Variants in VRK1 observed in about 807,000 individuals in gnomAD.
VRK1 encodes VRK serine/threonine kinase 1.
A neutral mutation model predicts 57.1 loss-of-function variants in VRK1; 33 were observed. That is an observed-to-expected ratio of 0.58 (90% CI 0.44 to 0.77). The LOEUF is 0.77. Among genes scored for constraint, VRK1 ranks in the 30% least tolerant of loss-of-function variants. The probability of loss-of-function intolerance (pLI) is 0.00; values close to 1 mark genes in which losing one functional copy is unlikely to be tolerated. For missense variants in VRK1, 413 were observed against 477.3 expected, an observed-to-expected ratio of 0.87 and a Z score of 1.25; for synonymous variants, 137 against 147.8, an observed-to-expected ratio of 0.93 and a Z score of 0.53.
intron 11 of VRK1, among the ~76,000 whole-genome samples, chr14:96,867,221 A>G (rs868192293): frequency 4.7e-4 from 71 of 152,248 alleles, no homozygotes; most frequent in African/African-American, 1.5e-3. Context: ...CTTTTTTTAA[A>G]GAAAGCTTCT....
At chr14:96,868,431 A>G (rs1379460574) in intron 11 of VRK1, among the ~76,000 whole-genome samples, 1 of 152,220 alleles carries the variant, frequency 6.6e-6, no homozygotes, top group Admixed American at 6.5e-5. Flanking sequence ...GAACCACTGC[A>G]TATTAAAATT....
chr14:96,831,521 T>A (rs1887003653), intron 1 of VRK1, among the ~76,000 whole-genome samples: 1 of 152,242 alleles, frequency 6.6e-6, no homozygotes, highest in Non-Finnish European at 1.5e-5. Flanking sequence ...TTAGTTTCAA[T>A]TAGTTGGCCA....
intron 4 of VRK1, 82 bp from the exon 5 acceptor site, chr14:96,847,175 A>T: frequency 9.3e-7 from 1 of 1,075,830 alleles, no homozygotes; most frequent in Non-Finnish European, 1.4e-6. Context: ...ATGTATAAAT[A>T]CATTTTGCTC....
At position 96,861,432 on chromosome 14, in the gene VRK1, A is replaced by C. The variant is rs141419594; in HGVS notation, c.1068+697A>C. ...CTTATAATCTGAAATTATTTAATAC[A>C]ATGTGTTAGCTATTTTTATATGAGG... On this transcript the variant is annotated intron_variant, in intron 11 of 12. Coordinates refer to ENST00000216639, the MANE Select transcript of VRK1 (RefSeq NM_003384.3). Among the ~76,000 whole-genome samples, 1,094 of 152,266 alleles carry C rather than the reference A, an allele frequency of 7.2e-3. 3 individuals are homozygous for C. The highest frequency in any genetic ancestry group is 0.011 in the Non-Finnish European group (773 of 67,996).
intron 11 of VRK1, among the ~76,000 whole-genome samples, chr14:96,867,360 A>G (rs1012938337): frequency 2.0e-5 from 3 of 150,072 alleles, no homozygotes; most frequent in African/African-American, 7.4e-5. Flanking sequence ...AATTTTCCTA[A>G]TTTTTGTTTT....
chr14:96,863,687 C>G (rs1248754076), intron 11 of VRK1, among the ~76,000 whole-genome samples: 1 of 152,122 alleles, frequency 6.6e-6, no homozygotes, highest in Non-Finnish European at 1.5e-5. Flanking sequence ...ACATACCTTT[C>G]TTTCCTTCTC....
intron 4 of VRK1, among the ~76,000 whole-genome samples, chr14:96,846,681 A>C (rs1363649027): frequency 6.6e-6 from 1 of 151,460 alleles, no homozygotes. Flanking sequence ...CCACATCCTC[A>C]GACTCAACCA....
chr14:96,840,478 A>G (rs1163956618), intron 3 of VRK1, among the ~76,000 whole-genome samples: 1 of 151,940 alleles, frequency 6.6e-6, no homozygotes, highest in East Asian at 1.9e-4. Context: ...CTTCTTCTTC[A>G]TTTATGGAAT....
intron 10 of VRK1, among the ~76,000 whole-genome samples, chr14:96,859,514 C>G (rs1020216150): frequency 2.6e-5 from 4 of 152,122 alleles, no homozygotes; most frequent in African/African-American, 9.7e-5. Context: ...TTTTGTACAT[C>G]TCCTTTATCA....
rs1251687324 is a variant in VRK1 at position 96,836,716 on chromosome 14, C to T, written c.161-1046C>T. ...CTAATTTTTGTATTTTAAGTAAAGA[C>T]GGGGTTTCACCTTGTTGGCCAGGCT... On this transcript the variant is annotated intron_variant, in intron 2 of 12. Transcript: ENST00000216639. 5.9e-5 allele frequency among the ~76,000 whole-genome samples: 9 copies of T among 151,860 alleles called. No individual in the cohort carries two copies. The East Asian group carries it at 9.7e-4, about 16-fold the overall frequency.
At chr14:96,851,317 T>G (rs937028029) in intron 5 of VRK1, among the ~76,000 whole-genome samples, 3 of 152,030 alleles carry the variant, frequency 2.0e-5, no homozygotes, top group Non-Finnish European at 4.4e-5. Context: ...ATTTTTGTGT[T>G]TTTAGTAGAG....
chr14:96,814,257 C>T (rs1208763203), intron 1 of VRK1, among the ~76,000 whole-genome samples: 2 of 152,144 alleles, frequency 1.3e-5, no homozygotes, highest in African/African-American at 4.8e-5. Flanking sequence ...TCTTTAAAGA[C>T]TGACCTCATC....
chr14:96,799,683 T>TGTGAGTG (rs1398841314), intron 1 of VRK1, among the ~76,000 whole-genome samples: 1 of 152,198 alleles, frequency 6.6e-6, no homozygotes, highest in Non-Finnish European at 1.5e-5. Flanking sequence ...TCTTTGTGCG[T>TGTGAGTG]GTGAGTGAGG....
intron 5 of VRK1, among the ~76,000 whole-genome samples, chr14:96,848,957 C>G (rs904686421): frequency 1.4e-4 from 22 of 152,138 alleles, no homozygotes; most frequent in African/African-American, 4.8e-4. Context: ...AACGTGAGCA[C>G]AGGCAGGATA....
intron 2 of VRK1, among the ~76,000 whole-genome samples, chr14:96,834,710 T>C (rs953307817): frequency 1.3e-5 from 2 of 152,316 alleles, no homozygotes; most frequent in Non-Finnish European, 2.9e-5. Flanking sequence ...GCACCCTTTT[T>C]GTGAAATATA....
intron 12 of VRK1, among the ~76,000 whole-genome samples, chr14:96,880,371 T>TG (rs1365973763): frequency 3.9e-5 from 6 of 152,214 alleles, no homozygotes; most frequent in African/African-American, 7.2e-5. Flanking sequence ...CTGACTCTGG[T>TG]GCCCCTGCTC....
chr14:96,876,183 T>G, intron 12 of VRK1, 63 bp downstream of exon 12: 1 of 1,482,032 alleles, frequency 6.7e-7, no homozygotes, highest in East Asian at 2.3e-5. Flanking sequence ...TTCCTCCCAT[T>G]AGATGAGGGG....
rs140684782 is a variant in VRK1 at position 96,873,482 on chromosome 14, CAA to C, written c.1069-2547_1069-2546del. Among the ~76,000 whole-genome samples, 161 of 152,238 alleles carry C rather than the reference CAA, an allele frequency of 1.1e-3. 2 individuals carry two copies. In the East Asian group the frequency reaches 0.028, roughly 26 times the overall value. ...AGCTGTGCTGAATTAAAAGAATACT[CAA>C]GTTTATTTTATAAGTTATTTTAGTA... is the stretch of plus-strand genomic sequence containing the variant. On this transcript the variant is annotated intron_variant, in intron 11 of 12. Coordinates refer to ENST00000216639, the MANE Select transcript of VRK1 (RefSeq NM_003384.3).
chr14:96,853,968 C>A (rs1399867077), intron 7 of VRK1, among the ~76,000 whole-genome samples: 1 of 152,114 alleles, frequency 6.6e-6, no homozygotes, highest in Admixed American at 6.5e-5. Context: ...GTACCTTTAA[C>A]TACCTTTGCT....
Sources: allele counts gnomAD v4.1 joint callset (sites outside exome capture counted in the v4.1 genomes callset), GRCh38; gene constraint gnomAD v4.1.1; transcripts MANE v1.5; gene names NCBI Gene and HGNC (gene_info 2026-07-23, HGNC 2026-07-21).